Variants in PRKCE observed in about 807,000 individuals in gnomAD.
PRKCE encodes the protein protein kinase C epsilon.
In PRKCE, 16 loss-of-function variants were observed where a neutral mutation model predicts 85.4. The observed-to-expected ratio is 0.19, with a 90% confidence interval of 0.13 to 0.28. The LOEUF is 0.28. PRKCE is among the 10% of genes least tolerant of loss of function. The pLI, the probability that PRKCE is intolerant of heterozygous loss-of-function variation, is 1.00. For missense variants in PRKCE, 573 were observed against 975.2 expected (o/e 0.59, Z 5.49); for synonymous variants, 388 against 371.5 (o/e 1.04, Z -0.51).
chr2:46,015,453 G>C (rs958341274), intron 10 of PRKCE, among the ~76,000 whole-genome samples: 1 of 152,084 alleles, frequency 6.6e-6, no homozygotes, highest in Non-Finnish European at 1.5e-5. Flanking sequence ...AAATTCTGGA[G>C]GGCTTTGCTG....
intron 2 of PRKCE, among the ~76,000 whole-genome samples, chr2:45,916,146 CTACT>C (rs756563563): frequency 6.6e-6 from 1 of 151,556 alleles, no homozygotes; most frequent in East Asian, 1.9e-4. Flanking sequence ...TTTTCTATCT[CTACT>C]TACTTTTCCT....
intron 2 of PRKCE, among the ~76,000 whole-genome samples, chr2:45,876,957 T>C (rs948282995): frequency 6.6e-6 from 1 of 152,238 alleles, no homozygotes; most frequent in African/African-American, 2.4e-5. Flanking sequence ...AACATGAGCA[T>C]TCTTGTTATC....
At chr2:45,819,343 A>C (rs1689333575) in intron 1 of PRKCE, among the ~76,000 whole-genome samples, 1 of 152,172 alleles carries the variant, frequency 6.6e-6, no homozygotes, top group South Asian at 2.1e-4. Flanking sequence ...TGTGGTACCC[A>C]TCTTGCTCTT....
At chr2:45,736,658 ATCC>A (rs1682089220) in intron 1 of PRKCE, among the ~76,000 whole-genome samples, 1 of 152,176 alleles carries the variant, frequency 6.6e-6, no homozygotes, top group Non-Finnish European at 1.5e-5. Flanking sequence ...CAGTGGGGCT[ATCC>A]TCATTCCTCT....
At chr2:46,087,679 A>T (rs1669774072) in intron 11 of PRKCE, among the ~76,000 whole-genome samples, 1 of 145,840 alleles carries the variant, frequency 6.9e-6, no homozygotes, top group Non-Finnish European at 1.5e-5. Context: ...AATAGCATCC[A>T]TCCATTATCT....
chr2:46,087,158 CTTT>C (rs66723838), intron 11 of PRKCE, among the ~76,000 whole-genome samples: 25 of 147,764 alleles, frequency 1.7e-4, no homozygotes, highest in East Asian at 2.0e-4. Flanking sequence ...CTATTCTATT[CTTT>C]TTTTTTTTTT....
In PRKCE at chr2:45,718,052, G is replaced by T. The variant is rs140859067; in HGVS notation, c.348+65604G>T. Among the ~76,000 whole-genome samples the T allele has an allele frequency of 2.7e-4, 41 of 152,316 alleles. 2 individuals carry two copies. The East Asian group carries it at 4.6e-3, about 17-fold the overall frequency. On this transcript the variant is annotated intron_variant, in intron 1 of 14. Coordinates refer to ENST00000306156, the MANE Select transcript of PRKCE (RefSeq NM_005400.3). Reference sequence around the variant, plus strand: ...AATTTACCAAGGTTCTCAGCTTTGCGGATCAAGACCATGGGTTTATAGCAC... The same window carrying T: ...AATTTACCAAGGTTCTCAGCTTTGCTGATCAAGACCATGGGTTTATAGCAC...
At chr2:45,969,391 G>T (rs1184503143) in intron 2 of PRKCE, among the ~76,000 whole-genome samples, 1 of 152,222 alleles carries the variant, frequency 6.6e-6, no homozygotes, top group Non-Finnish European at 1.5e-5. Flanking sequence ...CAACCTTGAT[G>T]TTGCCTCAGA....
chr2:45,652,140 G>A lies in PRKCE; in HGVS notation c.40G>A (p.Glu14Lys), dbSNP rs1553369874. 1.9e-6 allele frequency: 3 copies of A among 1,600,658 alleles called. No homozygotes were observed. Among genetic ancestry groups the A allele is most frequent in the South Asian group, 1.1e-5 (1 of 88,578 alleles). ...FNGLLKIKIC[E>K]AVSLKPTAWS... The stretch of plus-strand genomic sequence containing the variant: ...TGGCCTTCTTAAGATCAAAATCTGC[G>A]AGGCCGTGAGCTTGAAGCCCACAGC... Residue 14 changes from glutamate to lysine, a missense_variant, in exon 1 of 15, where the codon GAG becomes AAG. Physicochemically the swap from Glu to Lys is moderately conservative, Grantham distance 56. Transcript: ENST00000306156. The surrounding 1 kb of genome is among the most constrained non-coding windows in gnomAD (Gnocchi z 7.7).
chr2:45,873,059 C>G (rs1486140429), intron 2 of PRKCE, among the ~76,000 whole-genome samples: 5 of 152,140 alleles, frequency 3.3e-5, no homozygotes, highest in Non-Finnish European at 7.3e-5. Context: ...TGAACTAGAG[C>G]CCAGGTCTGC....
chr2:45,890,525 G>A (rs911841340), intron 2 of PRKCE, among the ~76,000 whole-genome samples: 1 of 151,810 alleles, frequency 6.6e-6, no homozygotes, highest in Non-Finnish European at 1.5e-5. Flanking sequence ...TATTACAGGC[G>A]CCCACCACCA....
At chr2:45,900,040 A>G in intron 2 of PRKCE, among the ~76,000 whole-genome samples, 1 of 152,184 alleles carries the variant, frequency 6.6e-6, no homozygotes, top group East Asian at 1.9e-4. Flanking sequence ...GTGTCTTACT[A>G]GATCAGCTAA....
intron 2 of PRKCE, among the ~76,000 whole-genome samples, chr2:45,849,822 C>T (rs1275602801): frequency 6.6e-6 from 1 of 152,194 alleles, no homozygotes. Context: ...GGCTGATTCT[C>T]AGACCCAGGG....
Position 46,151,132 on chromosome 2 carries a change from A to C in PRKCE, c.1823A>C (p.Glu608Ala). 6.3e-7 allele frequency: 1 copy of C among 1,599,490 alleles called. No homozygotes were observed. The highest frequency in any genetic ancestry group is 8.5e-7 in the Non-Finnish European group (1 of 1,179,898). The change falls in exon 13 of 15, where the codon GAG becomes GCG. Residue 608 changes from glutamate (E) to alanine (A), a missense_variant. Transcript: ENST00000306156. ...YEMMAGQPPF[E>A]ADNEDDLFES... ...ATGATGGCTGGACAGCCTCCCTTTGAGGCCGACAATGAGGACGACCTATTT... is the reference window on the plus strand; with the variant it reads ...ATGATGGCTGGACAGCCTCCCTTTGCGGCCGACAATGAGGACGACCTATTT...
chr2:45,928,453 G>A (rs576315329), intron 2 of PRKCE, among the ~76,000 whole-genome samples: 1 of 152,258 alleles, frequency 6.6e-6, no homozygotes, highest in East Asian at 1.9e-4. Context: ...ATTTTTAGTA[G>A]AGATGGGGTT....
At chr2:46,062,048 G>A (rs1320489472) in intron 10 of PRKCE, among the ~76,000 whole-genome samples, 1 of 151,728 alleles carries the variant, frequency 6.6e-6, no homozygotes, top group African/African-American at 2.4e-5. Flanking sequence ...TTTTAGTAGA[G>A]ACAGGGTTTC....
intron 10 of PRKCE, among the ~76,000 whole-genome samples, chr2:46,064,304 A>T (rs946494932): frequency 6.7e-6 from 1 of 149,130 alleles, no homozygotes; most frequent in African/African-American, 2.4e-5. Context: ...AAAAAAAAAG[A>T]AAAAGAAAAT....
At chr2:46,140,821 C>T (rs2104461347) in intron 11 of PRKCE, among the ~76,000 whole-genome samples, 1 of 152,030 alleles carries the variant, frequency 6.6e-6, no homozygotes, top group South Asian at 2.1e-4. Flanking sequence ...ATAGAATGAG[C>T]TCCTAAAAAT....
At chr2:45,850,555 TTGTC>T (rs1692164667) in intron 2 of PRKCE, among the ~76,000 whole-genome samples, 1 of 152,210 alleles carries the variant, frequency 6.6e-6, no homozygotes, top group African/African-American at 2.4e-5. Context: ...TAATTTAGAG[TTGTC>T]TGTCTTTCAG....
Sources: gnomAD v4.1 joint callset for allele counts (sites outside exome capture counted in the v4.1 genomes callset) on GRCh38, gnomAD v4.1.1 for gene constraint, Gnocchi (gnomAD v3.1) non-coding constraint, MANE v1.5 for transcripts, NCBI Gene and HGNC (gene_info 2026-07-23, HGNC 2026-07-21) for gene names.